Variants in CFAP47 observed in about 807,000 individuals in gnomAD.
CFAP47 encodes cilia- and flagella-associated protein 47.
In CFAP47, 29 loss-of-function variants were observed where a neutral mutation model predicts 148.1. That is an observed-to-expected ratio of 0.20 (90% confidence interval 0.15 to 0.27). The LOEUF is 0.27. Ranked by LOEUF, CFAP47 falls within the 10% of genes least tolerant of loss-of-function variation. The pLI is 1.00. For synonymous variants in CFAP47, 664 were observed against 577.3 expected, an observed-to-expected ratio of 1.15 and a Z score of -2.15; for missense variants, 1,872 against 1,697.5, an observed-to-expected ratio of 1.10 and a Z score of -1.81.
chrX:36,052,953 G>A (rs6632467), intron 26 of CFAP47, among the ~76,000 whole-genome samples: 16,087 of 110,625 alleles, frequency 0.15, 1,176 homozygotes, highest in East Asian at 0.3. Flanking sequence ...ATAGGAAACT[G>A]CATCACATAA....
chrX:36,328,539 G>C (rs1041436672), intron 57 of CFAP47, among the ~76,000 whole-genome samples: 1 of 111,473 alleles, frequency 9.0e-6, no homozygotes, highest in Non-Finnish European at 1.9e-5. Flanking sequence ...GGCCGGGCGC[G>C]GTGGCTCACG....
chrX:36,237,334 T>G, intron 48 of CFAP47, among the ~76,000 whole-genome samples: 1 of 110,763 alleles, frequency 9.0e-6, no homozygotes, highest in Admixed American at 9.7e-5. Context: ...AGGTTTTATT[T>G]ATTTTATTTT....
chrX:36,107,933 C>T lies in CFAP47; in HGVS notation c.5320+3242C>T, dbSNP rs1018951355. On this transcript the variant is annotated intron_variant, in intron 33 of 63. Transcript: ENST00000378653. ...CTTCAATCTCTATTTATTTATTTTT[C>T]CCTTGACCATTCAGGGAATAAACAC... Among the ~76,000 whole-genome samples, 3 of 110,899 alleles carry T rather than the reference C, an allele frequency of 2.7e-5. 1 individual carries two copies. Among genetic ancestry groups the T allele is most frequent in the Non-Finnish European group, 5.7e-5 (3 of 52,962 alleles).
At chrX:35,924,209 ATG>A (rs1337492512) in intron 1 of CFAP47, among the ~76,000 whole-genome samples, 1 of 104,467 alleles carries the variant, frequency 9.6e-6, no homozygotes, top group Non-Finnish European at 1.9e-5. Context: ...ATGGACATGT[ATG>A]TGTGCATGTA....
chrX:36,240,257 T>A (rs1161370600), intron 48 of CFAP47, among the ~76,000 whole-genome samples: 1 of 111,536 alleles, frequency 9.0e-6, no homozygotes, highest in Non-Finnish European at 1.9e-5. Flanking sequence ...GTATGACCAA[T>A]GCACAAAAAA....
chrX:36,187,659 T>A (rs1939821470), intron 40 of CFAP47, among the ~76,000 whole-genome samples: 1 of 111,771 alleles, frequency 8.9e-6, no homozygotes, highest in Non-Finnish European at 1.9e-5. Context: ...AATGTTTTTT[T>A]AAAAAGGTAT....
chrX:36,337,452 TAGAG>T (rs1375624091), intron 57 of CFAP47, among the ~76,000 whole-genome samples: 1 of 111,587 alleles, frequency 9.0e-6, no homozygotes, highest in Admixed American at 9.5e-5. Flanking sequence ...ATATAGATGG[TAGAG>T]AGAAAGGGAG....
At chrX:36,167,846 A>G (rs919212027) in intron 39 of CFAP47, among the ~76,000 whole-genome samples, 13 of 111,957 alleles carry the variant, frequency 1.2e-4, no homozygotes, top group African/African-American at 4.2e-4. Flanking sequence ...GATTTTTCTT[A>G]ATTTCCTGTA....
intron 59 of CFAP47, among the ~76,000 whole-genome samples, chrX:36,351,963 T>C (rs1307408836): frequency 1.8e-5 from 2 of 111,836 alleles, no homozygotes; most frequent in African/African-American, 6.5e-5. Context: ...AGTTTATTAA[T>C]TCTTTTCTTT....
chrX:36,155,168 T>C (rs1939353207), intron 37 of CFAP47, among the ~76,000 whole-genome samples: 1 of 110,890 alleles, frequency 9.0e-6, no homozygotes, highest in African/African-American at 3.3e-5. Context: ...TGTTCTTAAA[T>C]TGAGGTACCA....
chrX:36,072,320 C>T (rs933398490), intron 28 of CFAP47, among the ~76,000 whole-genome samples: 7 of 111,883 alleles, frequency 6.3e-5, no homozygotes, highest in Admixed American at 1.9e-4. Context: ...TTAACAAAAA[C>T]GTTAATACCT....
intron 39 of CFAP47, among the ~76,000 whole-genome samples, chrX:36,162,093 G>T (rs756449250): frequency 4.5e-5 from 5 of 112,082 alleles, no homozygotes; most frequent in Admixed American, 9.5e-5. Flanking sequence ...ATCTGGATAT[G>T]CCAGAAATTG....
rs188969255 is a variant in CFAP47 at position 36,198,056 on chromosome X, G to A, written c.6322-2323G>A. 3.4e-3 allele frequency among the ~76,000 whole-genome samples: 378 copies of A among 111,060 alleles called. 1 individual carries two copies. Among genetic ancestry groups the A allele is most frequent in the Non-Finnish European group, 5.7e-3 (302 of 52,910 alleles). ...ATGATCAATTTACCTTTATATCATT[G>A]TTGACAAAAAGAGTCAAACTCTAAA... On this transcript the variant is annotated intron_variant, in intron 42 of 63. Coordinates refer to ENST00000378653, the MANE Select transcript of CFAP47 (RefSeq NM_001304548.2).
intron 17 of CFAP47, among the ~76,000 whole-genome samples, chrX:35,992,924 G>A (rs6632453): frequency 0.15 from 16,326 of 110,244 alleles, 1,247 homozygotes; most frequent in East Asian, 0.3. Flanking sequence ...TGTCTTGAAA[G>A]CACTCCAGAT....
intron 40 of CFAP47, among the ~76,000 whole-genome samples, chrX:36,181,097 A>G (rs1337233882): frequency 2.7e-5 from 3 of 112,127 alleles, no homozygotes; most frequent in Non-Finnish European, 5.6e-5. Flanking sequence ...TGTAAAATTT[A>G]TAGTATATGG....
At chrX:35,949,475 T>G (rs1388909027) in intron 4 of CFAP47, among the ~76,000 whole-genome samples, 1 of 111,495 alleles carries the variant, frequency 9.0e-6, no homozygotes, top group Non-Finnish European at 1.9e-5. Context: ...CTGATAGAAG[T>G]GTGCAAATTG....
chrX:36,241,555 G>A (rs1940544560), intron 48 of CFAP47, among the ~76,000 whole-genome samples: 1 of 112,029 alleles, frequency 8.9e-6, no homozygotes, highest in Non-Finnish European at 1.9e-5. Flanking sequence ...GTACTTTCCT[G>A]GCAACCTGGG....
intron 26 of CFAP47, among the ~76,000 whole-genome samples, chrX:36,058,257 A>T (rs1277491604): frequency 8.9e-6 from 1 of 112,101 alleles, no homozygotes; most frequent in Non-Finnish European, 1.9e-5. Context: ...GAGAAAACAT[A>T]TCACCAAACA....
At chrX:36,353,396 T>C in intron 59 of CFAP47, 133 bp from the exon 60 acceptor site, 1 of 500,077 alleles carries the variant, frequency 2.0e-6, no homozygotes, top group Non-Finnish European at 3.3e-6. Context: ...TGTGTGTATG[T>C]GGCCAGATAC....
Sources: allele counts gnomAD v4.1 joint callset (sites outside exome capture counted in the v4.1 genomes callset), GRCh38; gene constraint gnomAD v4.1.1; transcripts MANE v1.5; gene names NCBI Gene and HGNC (gene_info 2026-07-23, HGNC 2026-07-21).